Variants in SLC31A1 observed in about 807,000 individuals in gnomAD.
SLC31A1 encodes the protein high affinity copper uptake protein 1.
A neutral mutation model predicts 17.2 loss-of-function variants in SLC31A1; 5 were observed. The ratio of observed to expected loss-of-function variants is 0.29; its 90% confidence interval spans 0.15 to 0.61. The LOEUF is 0.61. Among genes scored for constraint, SLC31A1 ranks in the 20% least tolerant of loss-of-function variants. The pLI, the probability that SLC31A1 is intolerant of heterozygous loss-of-function variation, is 0.86. For missense variants in SLC31A1, 161 were observed against 241.4 expected, an observed-to-expected ratio of 0.67 and a Z score of 2.21; for synonymous variants, 76 against 78.8, an observed-to-expected ratio of 0.96 and a Z score of 0.19.
rs571816713 is a variant in SLC31A1, at chr9:113,258,217, G to A, written c.203-477G>A. On this transcript the variant is annotated intron_variant, in intron 3 of 4. Coordinates refer to ENST00000374212, the MANE Select transcript of SLC31A1 (RefSeq NM_001859.4). The surrounding 1 kb of genome is among the most constrained non-coding windows in gnomAD (Gnocchi z 4.8). ...TGGAGCCATAAAATCAATTTGTTTTGGGAAGAAGGAGAGCATTTAGTTCAG... is the reference window on the plus strand; with the variant it reads ...TGGAGCCATAAAATCAATTTGTTTTAGGAAGAAGGAGAGCATTTAGTTCAG... Among the ~76,000 whole-genome samples, 2 of 152,158 alleles carry A rather than the reference G, an allele frequency of 1.3e-5. No individual in the cohort carries two copies. Among genetic ancestry groups the A allele is most frequent in the Admixed American group, 1.3e-4 (2 of 15,260 alleles).
At chr9:113,250,675 T>TA (rs779452254) in intron 1 of SLC31A1, among the ~76,000 whole-genome samples, 3,222 of 119,662 alleles carry the variant, frequency 0.027, 37 homozygotes, top group Non-Finnish European at 0.038. Flanking sequence ...ACTTAAAGTA[T>TA]AAAAAAAAAA....
At position 113,257,167 on chromosome 9, in the gene SLC31A1, G is replaced by C; in HGVS notation, c.184G>C (p.Val62Leu). 6.2e-7 allele frequency: 1 copy of C among 1,613,822 alleles called. No individual in the cohort carries two copies. The highest frequency in any genetic ancestry group is 8.5e-7 in the Non-Finnish European group (1 of 1,179,798). The change falls in exon 3 of 5, where the codon GTG (valine) becomes CTG (leucine). Residue 62 changes from valine to leucine, a missense_variant. By Grantham distance (32) the Val-to-Leu change is conservative. Transcript: ENST00000374212. ...KNVELLFSGL[V>L]INTAGEMAGA... ...TGTGGAACTACTGTTTTCCGGTTTGGTGATCAATACAGCTGGAGGTGAGTA... is the reference window on the plus strand; with the variant it reads ...TGTGGAACTACTGTTTTCCGGTTTGCTGATCAATACAGCTGGAGGTGAGTA...
At chr9:113,249,101 A>G (rs1326838140) in intron 1 of SLC31A1, among the ~76,000 whole-genome samples, 2 of 148,612 alleles carry the variant, frequency 1.3e-5, no homozygotes, top group Non-Finnish European at 3.0e-5. Flanking sequence ...CAGGACATAC[A>G]ATCAGATCAC....
intron 2 of SLC31A1, 140 bp from the exon 3 acceptor site, chr9:113,256,973 G>A: frequency 1.4e-6 from 1 of 724,838 alleles, no homozygotes. Context: ...ACGCTAACAT[G>A]AGGGCAAAAG....
intron 1 of SLC31A1, among the ~76,000 whole-genome samples, chr9:113,252,954 C>T (rs12340906): frequency 0.31 from 32,983 of 104,968 alleles, 4,882 homozygotes; most frequent in African/African-American, 0.32. Context: ...TTCTTTTTTT[C>T]TTTTTTTTTT....
intron 1 of SLC31A1, among the ~76,000 whole-genome samples, chr9:113,235,425 G>A (rs1312843214): frequency 1.3e-5 from 2 of 152,148 alleles, no homozygotes; most frequent in East Asian, 3.8e-4. Flanking sequence ...GCCAAGAGCA[G>A]AAATGAAAAG....
intron 1 of SLC31A1, among the ~76,000 whole-genome samples, chr9:113,235,609 A>G (rs1450694506): frequency 2.6e-5 from 4 of 152,248 alleles, no homozygotes; most frequent in African/African-American, 9.6e-5. Context: ...AAGACTGTGT[A>G]TGATTTTAGA....
chr9:113,250,046 G>A (rs1831629433), intron 1 of SLC31A1, among the ~76,000 whole-genome samples: 3 of 150,898 alleles, frequency 2.0e-5, no homozygotes, highest in Admixed American at 6.6e-5. Flanking sequence ...TGGAGAGGAT[G>A]TGGAGAAATA....
At chr9:113,249,863 C>T (rs1408363890) in intron 1 of SLC31A1, among the ~76,000 whole-genome samples, 1 of 151,652 alleles carries the variant, frequency 6.6e-6, no homozygotes, top group Non-Finnish European at 1.5e-5. Flanking sequence ...AAAAAGTGGG[C>T]AAAGGACATG....
intron 1 of SLC31A1, among the ~76,000 whole-genome samples, chr9:113,225,265 C>G (rs973868059): frequency 6.6e-6 from 1 of 152,140 alleles, no homozygotes; most frequent in Non-Finnish European, 1.5e-5. Flanking sequence ...TATAAGGCAA[C>G]AGTTCACAGA....
At chr9:113,222,659 CT>C (rs1831296279) in intron 1 of SLC31A1, among the ~76,000 whole-genome samples, 1 of 152,302 alleles carries the variant, frequency 6.6e-6, no homozygotes, top group South Asian at 2.1e-4. Context: ...TCCCAGAGAA[CT>C]TTGCACCTCC....
At chr9:113,237,447 C>G (rs1831474168) in intron 1 of SLC31A1, among the ~76,000 whole-genome samples, 3 of 152,004 alleles carry the variant, frequency 2.0e-5, no homozygotes, top group Admixed American at 2.0e-4. Flanking sequence ...AAGCCTCTCT[C>G]AAAACTACAG....
chr9:113,236,189 T>C (rs1831456757), intron 1 of SLC31A1, among the ~76,000 whole-genome samples: 1 of 152,116 alleles, frequency 6.6e-6, no homozygotes, highest in Non-Finnish European at 1.5e-5. Flanking sequence ...CGTTTTGCCA[T>C]GTTGGCCAGG....
intron 3 of SLC31A1, 68 bp downstream of exon 3, chr9:113,257,253 A>G (rs997496666): frequency 1.5e-6 from 2 of 1,297,194 alleles, no homozygotes; most frequent in African/African-American, 2.9e-5. Flanking sequence ...ATAATTTGGA[A>G]GTCCAGCACC....
intron 1 of SLC31A1, among the ~76,000 whole-genome samples, chr9:113,228,915 C>T (rs554716434): frequency 5.6e-4 from 85 of 150,632 alleles, no homozygotes; most frequent in African/African-American, 1.9e-3. Flanking sequence ...AGTGTGATCT[C>T]GGCTCATTGC....
intron 1 of SLC31A1, among the ~76,000 whole-genome samples, chr9:113,242,125 C>G (rs1831527826): frequency 6.6e-6 from 1 of 151,964 alleles, no homozygotes; most frequent in African/African-American, 2.4e-5. Context: ...GGAGGCGGAG[C>G]TTGCGGTGAG....
rs57266996 is a variant in SLC31A1 at position 113,260,580 on chromosome 9, TACACACACACAC to T, written c.*128_*139del. ...CCCTTCTTGCTCCTCTTTGTGCACG[TACACACACACAC>T]ACACACACACACACACACACCCCTG... On this transcript the variant is annotated 3_prime_UTR_variant, in exon 5 of 5. Coordinates refer to ENST00000374212, the MANE Select transcript of SLC31A1 (RefSeq NM_001859.4). 2.8e-4 allele frequency: 177 copies of T among 631,848 alleles called. 1 individual carries two copies. In the Middle Eastern group the frequency reaches 3.6e-3, roughly 13 times the overall value. 39.1% of individuals were successfully genotyped at this position (631,848 alleles called of 1,614,324 possible). A position where few individuals can be genotyped will look rare whatever the true frequency, so the allele number is the denominator to read the frequency against.
At chr9:113,226,904 C>T (rs1202267446) in intron 1 of SLC31A1, among the ~76,000 whole-genome samples, 1 of 152,122 alleles carries the variant, frequency 6.6e-6, no homozygotes, top group Non-Finnish European at 1.5e-5. Context: ...AACTCATACA[C>T]CCGCATCCTC....
intron 2 of SLC31A1, among the ~76,000 whole-genome samples, chr9:113,256,860 CA>C (rs10705989): frequency 0.34 from 35,298 of 102,392 alleles, 4,288 homozygotes; most frequent in South Asian, 0.37. Context: ...GAATCCGTAT[CA>C]AAAAAAAAAA....
Sources: allele counts gnomAD v4.1 joint callset (sites outside exome capture counted in the v4.1 genomes callset), GRCh38; gene constraint gnomAD v4.1.1; non-coding constraint Gnocchi (gnomAD v3.1); transcripts MANE v1.5; gene names NCBI Gene and HGNC (gene_info 2026-07-23, HGNC 2026-07-21).